ACY3: variants seen among roughly 807,000 people sequenced by gnomAD.
ACY3 encodes the protein aminoacylase 3, also known as N-acyl-aromatic-L-amino acid amidohydrolase (carboxylate-forming).
A neutral mutation model predicts 24.6 loss-of-function variants in ACY3; 20 were observed. The observed-to-expected ratio is 0.81, with a 90% CI of 0.57 to 1.18. The LOEUF (loss-of-function observed/expected upper bound fraction) is 1.18. Ranked by LOEUF, ACY3 falls within the 50% of genes most tolerant of loss-of-function variation. The pLI, the probability that ACY3 is intolerant of heterozygous loss-of-function variation, is 0.00. For synonymous variants in ACY3, 174 were observed against 188.4 expected (o/e 0.92, Z 0.62); for missense variants, 423 against 426.8 (o/e 0.99, Z 0.08).
rs202083681 is a variant in ACY3 at position 67,642,755 on chromosome 11, G to A, written c.929C>T (p.Ala310Val). The A allele has an allele frequency of 5.5e-5, 89 of 1,614,150 alleles. No homozygotes were observed. The highest frequency in any genetic ancestry group is 2.5e-4 in the African/African-American group (19 of 75,044). ...KFTFTVPAMPALTPAPSPAS is the reference protein window; with the variant it reads ...KFTFTVPAMPVLTPAPSPAS Reference sequence around the variant, plus strand: ...AGCTGGGCTCGGGGCAGGGGTCAGCGCGGGCATGGCAGGCACGGTGAATGT... The same window carrying A: ...AGCTGGGCTCGGGGCAGGGGTCAGCACGGGCATGGCAGGCACGGTGAATGT... Residue 310 changes from alanine to valine, a missense_variant, in exon 8 of 8, where the codon GCG (alanine) becomes GTG (valine). Ala to Val is a moderately conservative substitution (Grantham distance 64, BLOSUM62 0). Transcript: ENST00000255082.
In ACY3 at chr11:67,644,814, G is replaced by A. The variant is rs1855477458; in HGVS notation, c.690C>T (p.Asp230=). ...MEAYRPVGVV[D]FPRTEAGHLA... ...GGTGCCCGGCCTCGGTGCGGGGGAA[G>A]TCCACGACGCCCACGGGTCTATAGG... The change falls in exon 7 of 8, where the codon GAC becomes GAT. Residue 230 remains aspartate (D), a synonymous_variant. Transcript: ENST00000255082. 6.4e-7 allele frequency: 1 copy of A among 1,574,736 alleles called. No homozygotes were observed. Among genetic ancestry groups the A allele is most frequent in the East Asian group, 2.4e-5 (1 of 42,508 alleles).
At chr11:67,646,008 C>T in intron 3 of ACY3, 121 bp from the exon 4 acceptor site, 1 of 971,204 alleles carries the variant, frequency 1.0e-6, no homozygotes, top group South Asian at 1.8e-5. Flanking sequence ...GAGGGCTTTC[C>T]CTTCAGACGT....
chr11:67,643,501 A>C (rs1855448472), intron 7 of ACY3, among the ~76,000 whole-genome samples: 1 of 151,906 alleles, frequency 6.6e-6, no homozygotes, highest in Non-Finnish European at 1.5e-5. Context: ...AACATGGTGA[A>C]ATTTCATCTC....
chr11:67,646,668 C>G, intron 3 of ACY3, 140 bp downstream of exon 3: 1 of 861,130 alleles, frequency 1.2e-6, no homozygotes, highest in Non-Finnish European at 1.9e-6. Context: ...TTCGGTTTGT[C>G]CCGTGGAGGA....
In ACY3 at chr11:67,644,816, C is replaced by T. The variant is rs1855477530; in HGVS notation, c.688G>A (p.Asp230Asn). 1 of 1,574,944 alleles carries T rather than the reference C, an allele frequency of 6.3e-7. No homozygotes were observed. The highest frequency in any genetic ancestry group is 1.4e-5 in the African/African-American group (1 of 73,890). ...MEAYRPVGVV[D>N]FPRTEAGHLA... The stretch of plus-strand genomic sequence containing the variant: ...TGCCCGGCCTCGGTGCGGGGGAAGT[C>T]CACGACGCCCACGGGTCTATAGGCT... Residue 230 changes from aspartate (D) to asparagine (N), a missense_variant, in exon 7 of 8, where the codon GAC becomes AAC. Physicochemically the swap from Asp to Asn is conservative, Grantham distance 23. Coordinates refer to ENST00000255082, the MANE Select transcript of ACY3 (RefSeq NM_080658.2).
At position 67,646,860 on chromosome 11, in the gene ACY3, G is replaced by A. The variant is rs745363368; in HGVS notation, c.184C>T (p.Arg62Cys). The change falls in exon 3 of 8, where the codon CGC becomes TGC. Residue 62 changes from arginine to cysteine, a missense_variant. Coordinates refer to ENST00000255082, the MANE Select transcript of ACY3 (RefSeq NM_080658.2). ...TTGAGGTCATGGTCCACGTAGCGGC[G>A]GCAGCCGGATGTGGCTGCCGGGTTG... Reference protein sequence around the residue: ...LANPAATSGCRRYVDHDLNRT... With the variant: ...LANPAATSGCCRYVDHDLNRT... 1.4e-5 allele frequency: 22 copies of A among 1,612,582 alleles called. No individual in the cohort carries two copies. The highest frequency in any genetic ancestry group is 1.3e-4 in the African/African-American group (10 of 74,932).
intron 1 of ACY3, among the ~76,000 whole-genome samples, chr11:67,648,043 G>A (rs1030602245): frequency 7.2e-5 from 11 of 152,214 alleles, no homozygotes; most frequent in Non-Finnish European, 1.5e-4. Context: ...GTGCCATGTG[G>A]AGCCCCAGTT....
intron 4 of ACY3, 41 bp downstream of exon 4, chr11:67,645,651 C>A: frequency 6.5e-7 from 1 of 1,549,942 alleles, no homozygotes; most frequent in South Asian, 1.2e-5. Context: ...CCCTCCCTCC[C>A]ACTCCCCTCT....
At chr11:67,648,532 G>C (rs1302603855) in intron 1 of ACY3, among the ~76,000 whole-genome samples, 12 of 152,132 alleles carry the variant, frequency 7.9e-5, no homozygotes, top group Non-Finnish European at 1.5e-4. Flanking sequence ...AAGCTGCTCC[G>C]CCAGGGCCTG....
chr11:67,645,343 T>A lies in ACY3; in HGVS notation c.470A>T (p.Tyr157Phe). The A allele has an allele frequency of 6.2e-7, 1 of 1,613,564 alleles. No individual in the cohort carries two copies. The highest frequency in any genetic ancestry group is 8.5e-7 in the Non-Finnish European group (1 of 1,179,970). The change falls in exon 5 of 8, where the codon TAC (tyrosine) becomes TTC (phenylalanine). Residue 157 changes from tyrosine (Y) to phenylalanine (F), a missense_variant. Coordinates refer to ENST00000255082, the MANE Select transcript of ACY3 (RefSeq NM_080658.2). ...YPELSCQVFL[Y>F]QRSGEESYNL... ...GTAGCTCTCCTCCCCAGACCGCTGG[T>A]ACAGGAAGACCTGGCAGGACAGCTC...
At chr11:67,643,005 C>T (rs1855438514) in intron 7 of ACY3, 66 bp from the exon 8 acceptor site, 1 of 1,468,170 alleles carries the variant, frequency 6.8e-7, no homozygotes, top group South Asian at 1.2e-5. Context: ...AGGGGGGTGA[C>T]CCCAGCTTGA....
intron 5 of ACY3, 31 bp from the exon 6 acceptor site, chr11:67,645,183 G>A (rs1275617396): frequency 6.2e-7 from 1 of 1,606,706 alleles, no homozygotes; most frequent in Non-Finnish European, 8.5e-7. Flanking sequence ...GGTTAGGCAG[G>A]TGCAGGACCC....
intron 7 of ACY3, among the ~76,000 whole-genome samples, chr11:67,643,158 A>C (rs1401268388): frequency 6.6e-6 from 1 of 152,224 alleles, no homozygotes; most frequent in African/African-American, 2.4e-5. Flanking sequence ...GCATGTGCCC[A>C]TGTGGAAGTG....
chr11:67,645,396 G>T lies in ACY3; in HGVS notation c.433-16C>A. On this transcript the variant is annotated splice_polypyrimidine_tract_variant and intron_variant, in intron 4 of 7. Transcript: ENST00000255082. ...GGTACTGCAGCTGGGGGCGAGAGAG[G>T]CAGGTTAGGGGCCCAGGCCTACTTG... 6.2e-7 allele frequency: 1 copy of T among 1,610,716 alleles called. No individual in the cohort carries two copies. Among genetic ancestry groups the T allele is most frequent in the South Asian group, 1.1e-5 (1 of 90,558 alleles).
chr11:67,647,218 G>A (rs898581357), intron 2 of ACY3, among the ~76,000 whole-genome samples, 155 bp from the exon 3 acceptor site: 1 of 152,218 alleles, frequency 6.6e-6, no homozygotes, highest in African/African-American at 2.4e-5. Flanking sequence ...ACCCCCAGTG[G>A]CCCTTTCTCT....
Position 67,645,285 on chromosome 11 carries a change from A to G in ACY3, c.526+2T>C, listed in dbSNP as rs1177984828. ...CCCACTTCTCAGAAGGCTGCGGCCCACCCAGTCCATTTTTGGCCACAGAGT... is the reference window on the plus strand; with the variant it reads ...CCCACTTCTCAGAAGGCTGCGGCCCGCCCAGTCCATTTTTGGCCACAGAGT... On this transcript the variant is annotated splice_donor_variant, in intron 5 of 7. Coordinates refer to ENST00000255082, the MANE Select transcript of ACY3 (RefSeq NM_080658.2). LOFTEE classifies it high-confidence loss of function. The G allele has an allele frequency of 6.2e-7, 1 of 1,613,104 alleles. No homozygotes were observed. Among genetic ancestry groups the G allele is most frequent in the Non-Finnish European group, 8.5e-7 (1 of 1,179,892 alleles).
intron 3 of ACY3, among the ~76,000 whole-genome samples, chr11:67,646,375 G>A (rs746949727): frequency 7.2e-5 from 11 of 152,192 alleles, no homozygotes; most frequent in Non-Finnish European, 1.5e-4. Flanking sequence ...ATGGTTGCCC[G>A]GTTCTTCCTC....
intron 7 of ACY3, among the ~76,000 whole-genome samples, chr11:67,644,032 T>A (rs966599595): frequency 6.6e-6 from 1 of 151,974 alleles, no homozygotes. Context: ...ATTTTAAAAT[T>A]GTAGGAGGAG....
At position 67,646,919 on chromosome 11, in the gene ACY3, T is replaced by C. The variant is rs1338770529; in HGVS notation, c.125A>G (p.Gln42Arg). ...AGGCACAGCGGAGAAGCTGGCTCTC[T>C]GCAGCTCTGCGGGGGCATGCAGCCA... ...RHWLHAPAEL[Q>R]RASFSAVPVL... The change falls in exon 3 of 8, where the codon CAG (glutamine) becomes CGG (arginine). Residue 42 changes from glutamine to arginine, a missense_variant. Gln to Arg is a conservative substitution (Grantham distance 43). Transcript: ENST00000255082. 2 of 1,609,380 alleles carry C rather than the reference T, an allele frequency of 1.2e-6. No homozygotes were observed. The highest frequency in any genetic ancestry group is 3.4e-5 in the Admixed American group (2 of 59,574).
Sources: allele counts gnomAD v4.1 joint callset (sites outside exome capture counted in the v4.1 genomes callset), GRCh38; gene constraint gnomAD v4.1.1; transcripts MANE v1.5; gene names NCBI Gene and HGNC (gene_info 2026-07-23, HGNC 2026-07-21).